The following LAIR1 variants were observed in gnomAD, a reference collection of about 807,000 sequenced individuals.
The protein encoded by LAIR1 is leukocyte-associated immunoglobulin-like receptor 1.
Under a neutral mutation model 32.8 loss-of-function variants are expected in LAIR1, and 24 were observed. That is an observed-to-expected ratio of 0.73 (90% confidence interval 0.53 to 1.03). LAIR1 has a LOEUF of 1.03. Among genes scored for constraint, LAIR1 ranks in the 50% least tolerant of loss-of-function variants. The pLI is 0.00. For missense variants in LAIR1, 355 were observed against 347.5 expected (o/e 1.02, Z -0.17); for synonymous variants, 150 against 140.5 (o/e 1.07, Z -0.48).
At chr19:54,374,226 T>C (rs765746770), upstream of LAIR1, among the ~76,000 whole-genome samples, 36 of 152,130 alleles carry the variant, frequency 2.4e-4, no homozygotes, top group Admixed American at 2.2e-3. Flanking sequence ...TGTGGGGTGA[T>C]TGACTCCCCT....
At position 54,352,184 on chromosome 19, in the gene LAIR1, C is replaced by T. The variant is rs2081544634; in HGVS notation, c.*3084G>A. 6.5e-6 allele frequency: 1 copy of T among 153,476 alleles called. No individual in the cohort carries two copies. Among genetic ancestry groups the T allele is most frequent in the Non-Finnish European group, 1.5e-5 (1 of 68,140 alleles). The allele number at this position is 153,476 out of a possible 1,614,324, so 9.5% of individuals were successfully genotyped here. On this transcript the variant is annotated 3_prime_UTR_variant, in exon 10 of 10. Transcript: ENST00000391742. ...ACATCTGTGAATATCTGCTGCTGCC[C>T]CATCTGGCCCCGGTGAGGCTGCTCC... is the stretch of plus-strand genomic sequence containing the variant.
At chr19:54,371,220 C>G (rs1278383686), upstream of LAIR1, among the ~76,000 whole-genome samples, 2 of 151,442 alleles carry the variant, frequency 1.3e-5, no homozygotes, top group African/African-American at 4.9e-5. Flanking sequence ...ATTTCCCTTG[C>G]ACTTTTGTAA....
upstream of LAIR1, among the ~76,000 whole-genome samples, chr19:54,367,765 T>TA (rs1555947031): frequency 5.3e-5 from 7 of 131,674 alleles, no homozygotes; most frequent in African/African-American, 2.4e-4. Context: ...ATATTTTTTT[T>TA]AATTTTTTTT....
chr19:54,374,071 A>G (rs1012557247), upstream of LAIR1, among the ~76,000 whole-genome samples: 1 of 151,952 alleles, frequency 6.6e-6, no homozygotes, highest in Non-Finnish European at 1.5e-5. Context: ...CAATGCTTGC[A>G]CTGTAAGGGT....
intron 4 of LAIR1, chr19:54,357,258 C>A (rs767719366): frequency 5.3e-5 from 25 of 470,176 alleles, no homozygotes; most frequent in Non-Finnish European, 8.5e-5. Flanking sequence ...ACCCCACGGG[C>A]CTGATGCCAT....
upstream of LAIR1, among the ~76,000 whole-genome samples, chr19:54,367,968 T>C (rs2082306775): frequency 6.6e-6 from 1 of 151,160 alleles, no homozygotes; most frequent in African/African-American, 2.4e-5. Flanking sequence ...GAGACGGGGT[T>C]TCACCTTGTT....
In LAIR1 at chr19:54,355,410, A is replaced by C; in HGVS notation, c.722T>G (p.Leu241Arg). The C allele has an allele frequency of 6.3e-7, 1 of 1,599,840 alleles. No individual in the cohort carries two copies. The highest frequency in any genetic ancestry group is 8.5e-7 in the Non-Finnish European group (1 of 1,173,016). ...EKDRETDTSA[L>R]AAGSSQEVTY... is the part of the protein sequence containing the mutation. ...CACCTCCTGGGAACTCCCTGCAGCC[A>C]GGGCCTAAGAGGGAGAGACCCAGGG... is the stretch of plus-strand genomic sequence containing the variant. Residue 241 changes from leucine to arginine, a missense_variant, in exon 10 of 10, where the codon CTG becomes CGG. Transcript: ENST00000391742. The surrounding 1 kb of genome is among the most constrained non-coding windows in gnomAD (Gnocchi z 4.7).
At chr19:54,361,243 A>G (rs766458764) in intron 2 of LAIR1, 34 bp from the exon 3 acceptor site, 1 of 1,608,218 alleles carries the variant, frequency 6.2e-7, no homozygotes, top group Non-Finnish European at 8.5e-7. Context: ...CTCAGCGTCC[A>G]CTGTAGGAAG....
upstream of LAIR1, among the ~76,000 whole-genome samples, chr19:54,372,742 C>T (rs149181812): frequency 6.6e-6 from 1 of 151,182 alleles, no homozygotes; most frequent in East Asian, 1.9e-4. Context: ...CCCACCTCAG[C>T]CTTTTAAAGT....
At chr19:54,363,715 G>A (rs188615446) in intron 2 of LAIR1, among the ~76,000 whole-genome samples, 299 of 152,300 alleles carry the variant, frequency 2.0e-3, no homozygotes, top group African/African-American at 6.8e-3. Flanking sequence ...CAATTACTGC[G>A]CGTTCTCACT....
intron 2 of LAIR1, among the ~76,000 whole-genome samples, chr19:54,361,544 T>G (rs2082024886): frequency 6.6e-6 from 1 of 151,670 alleles, no homozygotes; most frequent in South Asian, 2.1e-4. Context: ...GGACAGAGTG[T>G]GGGAGGGAGG....
intron 2 of LAIR1, among the ~76,000 whole-genome samples, chr19:54,362,157 T>C (rs1371216863): frequency 6.6e-6 from 1 of 152,110 alleles, no homozygotes; most frequent in Non-Finnish European, 1.5e-5. Context: ...GCGTAGTTAA[T>C]TGTTGTGGTG....
rs925018528 is a variant in LAIR1 at position 54,357,007 on chromosome 19, G to C, written c.416-41C>G. The C allele has an allele frequency of 3.1e-6, 5 of 1,594,012 alleles. No homozygotes were observed. The African/African-American group carries it at 5.4e-5, about 17-fold the overall frequency. ...CAGAAGGAGGAGGAGTTAGAGTCCT[G>C]AGCTGGACAGAGAAGGCTCTGAGTC... is the stretch of plus-strand genomic sequence containing the variant. On this transcript the variant is annotated intron_variant, in intron 4 of 9. Transcript: ENST00000391742.
intron 1 of LAIR1, among the ~76,000 whole-genome samples, chr19:54,369,986 A>G (rs2082366704): frequency 2.0e-5 from 3 of 147,684 alleles, no homozygotes; most frequent in Admixed American, 6.7e-5. Context: ...GCACGTTGCA[A>G]TCCTGTGTCG....
rs1330914025 is a variant in LAIR1, at chr19:54,353,732, T to C, written c.*1536A>G. Reference sequence around the variant, plus strand: ...TTTGCTGAATTCTTAAAAATCTTTCTTTTCTTTTCTTTTCTTTTTTGACGG... The same window carrying C: ...TTTGCTGAATTCTTAAAAATCTTTCCTTTCTTTTCTTTTCTTTTTTGACGG... On this transcript the variant is annotated 3_prime_UTR_variant, in exon 10 of 10. Transcript: ENST00000391742. The C allele has an allele frequency of 6.6e-6, 1 of 151,104 alleles. No individual in the cohort carries two copies. Among genetic ancestry groups the C allele is most frequent in the Non-Finnish European group, 1.5e-5 (1 of 68,008 alleles). The allele number at this position is 151,104 out of a possible 1,614,324, so 9.4% of individuals were successfully genotyped here.
chr19:54,373,858 G>A (rs1383419784), upstream of LAIR1, among the ~76,000 whole-genome samples: 1 of 152,244 alleles, frequency 6.6e-6, no homozygotes, highest in Non-Finnish European at 1.5e-5. Context: ...CTCCCATCAT[G>A]CCCTTGGGCA....
At position 54,364,812 on chromosome 19, in the gene LAIR1, G is replaced by A. The variant is rs769196795; in HGVS notation, c.-8C>T. On this transcript the variant is annotated 5_prime_UTR_variant, in exon 1 of 10. Transcript: ENST00000391742. The surrounding 1 kb of genome is among the most constrained non-coding windows in gnomAD (Gnocchi z 4.8). ...GGTGGGGTGGGGAGACATGGCCCAG[G>A]TCCCAGCAGTGCAGCCTGGCCTGAG... 2.2e-5 allele frequency: 35 copies of A among 1,613,998 alleles called. No homozygotes were observed. The highest frequency in any genetic ancestry group is 3.3e-4 in the Middle Eastern group (2 of 6,084).
In LAIR1 at chr19:54,355,298, G is replaced by A; in HGVS notation, c.834C>T (p.Ser278=). The A allele has an allele frequency of 1.2e-6, 2 of 1,612,084 alleles. No homozygotes were observed. Among genetic ancestry groups the A allele is most frequent in the Non-Finnish European group, 8.5e-7 (1 of 1,178,982 alleles). The change falls in exon 10 of 10, where the codon TCC becomes TCT. Residue 278 remains serine, a synonymous_variant. Transcript: ENST00000391742. This position sits in a 1 kb window ranked among gnomAD's most constrained non-coding sequence, Gnocchi z 4.7. ...SPQSTKPMAE[S]ITYAAVARH Reference sequence around the variant, plus strand: ...GTCTGGCAACGGCTGCATACGTGATGGACTCGGCCATGGGCTTTGTGGACT... The same window carrying A: ...GTCTGGCAACGGCTGCATACGTGATAGACTCGGCCATGGGCTTTGTGGACT...
chr19:54,361,765 T>C (rs2082036335), intron 2 of LAIR1, among the ~76,000 whole-genome samples: 1 of 151,504 alleles, frequency 6.6e-6, no homozygotes, highest in Admixed American at 6.6e-5. Flanking sequence ...GCCCAGCCCG[T>C]GACAGGTCCC....
Sources: allele counts gnomAD v4.1 joint callset (sites outside exome capture counted in the v4.1 genomes callset), GRCh38; gene constraint gnomAD v4.1.1; non-coding constraint Gnocchi (gnomAD v3.1); transcripts MANE v1.5; gene names NCBI Gene and HGNC (gene_info 2026-07-23, HGNC 2026-07-21).